Variants in RFX3 observed in about 807,000 individuals in gnomAD.
RFX3 encodes transcription factor RFX3.
A neutral mutation model predicts 98.6 loss-of-function variants in RFX3; 14 were observed. The ratio of observed to expected loss-of-function variants is 0.14; its 90% CI spans 0.09 to 0.22. RFX3 has a LOEUF of 0.22. Among genes scored for constraint, RFX3 ranks in the 10% least tolerant of loss-of-function variants. The pLI is 1.00. For synonymous variants in RFX3, 383 were observed against 328.4 expected, an observed-to-expected ratio of 1.17 and a Z score of -1.80; for missense variants, 639 against 926.9, an observed-to-expected ratio of 0.69 and a Z score of 4.03.
At chr9:3,253,872 T>G (rs567162294) in intron 14 of RFX3, among the ~76,000 whole-genome samples, 1 of 152,234 alleles carries the variant, frequency 6.6e-6, no homozygotes, top group Admixed American at 6.5e-5. Context: ...TCTCTGATAG[T>G]TTGTGAATGT....
intron 1 of RFX3, among the ~76,000 whole-genome samples, chr9:3,396,710 C>T (rs1489497959): frequency 1.3e-5 from 2 of 152,130 alleles, no homozygotes; most frequent in Admixed American, 6.6e-5. Flanking sequence ...CTGCTGTTTC[C>T]TGACTTTTTA....
At chr9:3,450,530 G>A (rs1162798728) in intron 1 of RFX3, among the ~76,000 whole-genome samples, 1 of 152,044 alleles carries the variant, frequency 6.6e-6, no homozygotes, top group Non-Finnish European at 1.5e-5. Flanking sequence ...AATCTTAGAT[G>A]TCTGAAGGTG....
chr9:3,452,951 T>C lies in RFX3; in HGVS notation c.-8-57355A>G, dbSNP rs78722276. 6.3e-3 allele frequency among the ~76,000 whole-genome samples: 954 copies of C among 152,264 alleles called. 17 individuals are homozygous for C. The highest frequency in any genetic ancestry group is 0.022 in the African/African-American group (897 of 41,540). ...TTGTACCAAATCAGCCGTCTCAAAA[T>C]ACCATAGCAGTCTTGGAATCAAAAG... On this transcript the variant is annotated intron_variant, in intron 1 of 16. Coordinates refer to ENST00000617270, the MANE Select transcript of RFX3 (RefSeq NM_001282116.2).
At chr9:3,255,989 C>T (rs563952899) in intron 14 of RFX3, among the ~76,000 whole-genome samples, 7 of 151,396 alleles carry the variant, frequency 4.6e-5, no homozygotes, top group South Asian at 4.2e-4. Context: ...TTTTCTGAGA[C>T]GGAGTCTCGC....
chr9:3,472,345 TTTC>T (rs1848851801), intron 1 of RFX3, among the ~76,000 whole-genome samples: 1 of 152,194 alleles, frequency 6.6e-6, no homozygotes, highest in African/African-American at 2.4e-5. Flanking sequence ...AGTCACTTTC[TTTC>T]TTAATTCAAT....
chr9:3,237,732 A>G (rs190082119), intron 15 of RFX3, among the ~76,000 whole-genome samples: 5 of 152,348 alleles, frequency 3.3e-5, no homozygotes, highest in Admixed American at 3.3e-4. Context: ...CTAAGACTCA[A>G]GCAAGGATAT....
chr9:3,236,858 G>T (rs1005688888), intron 15 of RFX3, among the ~76,000 whole-genome samples: 1 of 152,194 alleles, frequency 6.6e-6, no homozygotes, highest in Admixed American at 6.5e-5. Flanking sequence ...ACAAATGTAG[G>T]GGAGAAAATA....
chr9:3,428,109 T>G (rs780828350), intron 1 of RFX3, among the ~76,000 whole-genome samples: 5 of 152,184 alleles, frequency 3.3e-5, no homozygotes, highest in Non-Finnish European at 7.4e-5. Flanking sequence ...ATGTGAAAAG[T>G]TGCCTCATAT....
intron 7 of RFX3, among the ~76,000 whole-genome samples, chr9:3,279,431 A>C (rs985764766): frequency 2.6e-5 from 4 of 151,848 alleles, no homozygotes; most frequent in African/African-American, 9.7e-5. Context: ...CTGGAGGAGG[A>C]AAAAATGAAA....
rs143529080 is a variant in RFX3 at position 3,285,979 on chromosome 9, G to C, written c.851+2152C>G. On this transcript the variant is annotated intron_variant, in intron 7 of 16. Coordinates refer to ENST00000617270, the MANE Select transcript of RFX3 (RefSeq NM_001282116.2). ...TTTTTATAAAGAATGTCCCTTGAAG[G>C]CTTCTATTTCTATGAAAGCTTGCTA... is the stretch of plus-strand genomic sequence containing the variant. 4.0e-3 allele frequency among the ~76,000 whole-genome samples: 604 copies of C among 151,830 alleles called. 4 individuals carry two copies. Among genetic ancestry groups the C allele is most frequent in the African/African-American group, 0.013 (555 of 41,496 alleles).
chr9:3,292,894 T>C (rs1293194591), intron 6 of RFX3, among the ~76,000 whole-genome samples, 183 bp downstream of exon 6: 3 of 152,212 alleles, frequency 2.0e-5, no homozygotes, highest in African/African-American at 4.8e-5. Flanking sequence ...CATATAATTG[T>C]GGCTTGGAAA....
At chr9:3,522,519 G>C (rs1333309362) in intron 1 of RFX3, among the ~76,000 whole-genome samples, 1 of 151,794 alleles carries the variant, frequency 6.6e-6, no homozygotes, top group Admixed American at 6.6e-5. Flanking sequence ...TAAGAACAAA[G>C]TAATATTCCT....
intron 1 of RFX3, among the ~76,000 whole-genome samples, chr9:3,431,261 A>G (rs939777223): frequency 1.8e-4 from 28 of 152,182 alleles, no homozygotes; most frequent in Non-Finnish European, 3.8e-4. Context: ...GCAATGCTAT[A>G]AACCTGGAAT....
chr9:3,520,778 A>C (rs1818631774), intron 1 of RFX3, among the ~76,000 whole-genome samples: 1 of 152,150 alleles, frequency 6.6e-6, no homozygotes, highest in Non-Finnish European at 1.5e-5. Flanking sequence ...TGGGCTAAAA[A>C]ATTCTCTCAC....
chr9:3,435,711 A>G (rs1455956933), intron 1 of RFX3, among the ~76,000 whole-genome samples: 2 of 151,706 alleles, frequency 1.3e-5, no homozygotes, highest in African/African-American at 4.8e-5. Flanking sequence ...ACATGTAAAC[A>G]CAAAATTATA....
At chr9:3,511,488 C>T (rs1358659022) in intron 1 of RFX3, among the ~76,000 whole-genome samples, 4 of 151,936 alleles carry the variant, frequency 2.6e-5, no homozygotes, top group African/African-American at 9.7e-5. Context: ...TATTAAACTG[C>T]TTTGAGTGAT....
At chr9:3,444,619 A>C (rs1250100486) in intron 1 of RFX3, among the ~76,000 whole-genome samples, 1 of 152,222 alleles carries the variant, frequency 6.6e-6, no homozygotes, top group Admixed American at 6.5e-5. Flanking sequence ...CACAAAATCA[A>C]CGACTGGCAA....
chr9:3,352,661 C>G (rs1482513428), intron 2 of RFX3, among the ~76,000 whole-genome samples: 3 of 151,902 alleles, frequency 2.0e-5, no homozygotes, highest in African/African-American at 7.3e-5. Context: ...CCACATGAAA[C>G]AAATAGAAAA....
At chr9:3,306,063 T>C (rs1238450974) in intron 4 of RFX3, among the ~76,000 whole-genome samples, 1 of 152,044 alleles carries the variant, frequency 6.6e-6, no homozygotes, top group Non-Finnish European at 1.5e-5. Context: ...TAACACTAAA[T>C]GATGTTTTAC....
Sources: allele counts gnomAD v4.1 joint callset (sites outside exome capture counted in the v4.1 genomes callset), GRCh38; gene constraint gnomAD v4.1.1; transcripts MANE v1.5; gene names NCBI Gene and HGNC (gene_info 2026-07-23, HGNC 2026-07-21).